Variants in KMT5B observed in about 807,000 individuals in gnomAD.
The protein encoded by KMT5B is histone-lysine N-methyltransferase KMT5B.
KMT5B carries 10 observed loss-of-function variants against 83.2 expected under a neutral mutation model. The observed-to-expected ratio is 0.12, with a 90% CI of 0.07 to 0.20. KMT5B has a LOEUF of 0.20. Ranked by LOEUF, KMT5B falls within the 10% of genes least tolerant of loss-of-function variation. The probability of loss-of-function intolerance (pLI) is 1.00; values close to 1 mark genes in which losing one functional copy is unlikely to be tolerated. For missense variants in KMT5B, 753 were observed against 1,067.2 expected (o/e 0.71, Z 4.10); for synonymous variants, 349 against 388.8 (o/e 0.90, Z 1.20).
chr11:68,185,034 T>G (rs994260088), intron 3 of KMT5B, among the ~76,000 whole-genome samples: 1 of 152,106 alleles, frequency 6.6e-6, no homozygotes, highest in Non-Finnish European at 1.5e-5. Context: ...ATCCCAAAGA[T>G]TAAACATGAT....
chr11:68,184,430 C>T (rs959097172), intron 3 of KMT5B, among the ~76,000 whole-genome samples: 1 of 152,008 alleles, frequency 6.6e-6, no homozygotes, highest in African/African-American at 2.4e-5. Flanking sequence ...ACCTGAATTA[C>T]TTCTTTTGGA....
intron 4 of KMT5B, among the ~76,000 whole-genome samples, chr11:68,176,096 G>T (rs1428333337): frequency 6.6e-6 from 1 of 152,004 alleles, no homozygotes; most frequent in Non-Finnish European, 1.5e-5. Flanking sequence ...TGTATTTTTA[G>T]TAGAGACCAT....
intron 10 of KMT5B, chr11:68,164,571 G>A (rs1855143435): frequency 2.2e-6 from 1 of 463,922 alleles, no homozygotes; most frequent in South Asian, 1.5e-5. Context: ...TGGTCTCAGA[G>A]ACAACTAAAG....
intron 1 of KMT5B, among the ~76,000 whole-genome samples, chr11:68,202,002 T>A (rs990620103): frequency 1.3e-5 from 2 of 151,752 alleles, no homozygotes; most frequent in Non-Finnish European, 2.9e-5. Flanking sequence ...GGTGGGAGGA[T>A]GGCTTGAGTC....
intron 2 of KMT5B, among the ~76,000 whole-genome samples, chr11:68,187,878 T>C (rs1397352993): frequency 6.6e-6 from 1 of 152,186 alleles, no homozygotes; most frequent in African/African-American, 2.4e-5. Flanking sequence ...CCATTTCTCA[T>C]TGCTGGCTCT....
At chr11:68,187,972 A>G (rs774377895) in intron 2 of KMT5B, among the ~76,000 whole-genome samples, 1 of 150,172 alleles carries the variant, frequency 6.7e-6, no homozygotes, top group Non-Finnish European at 1.5e-5. Flanking sequence ...CTAGCCCTCT[A>G]TATTTATCTA....
Position 68,158,309 on chromosome 11 carries a change from T to A in KMT5B, c.2037A>T (p.Thr679=). ...TGTCTTTTGTTTTGAAGCTATCTGA[T>A]GTCACAACTGAACAACCGACGGGTG... is the stretch of plus-strand genomic sequence containing the variant. ...APSPVGCSVV[T]SDSFKTKDSF... The change falls in exon 11 of 11, where the codon ACA becomes ACT. Residue 679 remains threonine, a synonymous_variant. Coordinates refer to ENST00000304363, the MANE Select transcript of KMT5B (RefSeq NM_017635.5). 6.2e-7 allele frequency: 1 copy of A among 1,614,162 alleles called. No individual in the cohort carries two copies. Among genetic ancestry groups the A allele is most frequent in the Non-Finnish European group, 8.5e-7 (1 of 1,180,036 alleles).
intron 3 of KMT5B, 91 bp from the exon 4 acceptor site, chr11:68,180,291 T>C: frequency 6.7e-7 from 1 of 1,487,868 alleles, no homozygotes; most frequent in Non-Finnish European, 9.0e-7. Flanking sequence ...ATATTCGTTG[T>C]TGCAAAAATC....
chr11:68,201,341 A>G (rs1001235584), intron 1 of KMT5B, among the ~76,000 whole-genome samples: 10 of 152,264 alleles, frequency 6.6e-5, no homozygotes, highest in African/African-American at 2.4e-4. Context: ...AACACATTTC[A>G]AAAGAAAGCA....
At chr11:68,167,645 A>G (rs1855438808) in intron 9 of KMT5B, among the ~76,000 whole-genome samples, 1 of 151,914 alleles carries the variant, frequency 6.6e-6, no homozygotes, top group Non-Finnish European at 1.5e-5. Flanking sequence ...TTTTGTAGAG[A>G]TGGGGTCTCA....
chr11:68,174,958 T>C, intron 5 of KMT5B, 60 bp downstream of exon 5: 2 of 1,464,934 alleles, frequency 1.4e-6, no homozygotes, highest in South Asian at 2.5e-5. Context: ...ATTTAGGGTT[T>C]TAATTTACTT....
intron 5 of KMT5B, 110 bp downstream of exon 5, chr11:68,174,908 T>C: frequency 9.6e-7 from 1 of 1,044,808 alleles, no homozygotes; most frequent in East Asian, 2.6e-5. Context: ...GACTGATTAG[T>C]TTTATGAAAA....
At chr11:68,192,568 T>C (rs537003611) in intron 1 of KMT5B, among the ~76,000 whole-genome samples, 11 of 152,312 alleles carry the variant, frequency 7.2e-5, no homozygotes, top group African/African-American at 2.6e-4. Context: ...ACTACATGTT[T>C]TGGTAATGCT....
chr11:68,158,526 G>C lies in KMT5B; in HGVS notation c.1820C>G (p.Thr607Arg). ...KGEAKCHKSD[T>R]GMSKKKSRQG... ...TCGTGACTTCTTTTTGGACATGCCT[G>C]TGTCACTCTTATGACACTTTGCCTC... is the stretch of plus-strand genomic sequence containing the variant. Residue 607 changes from threonine to arginine, a missense_variant, in exon 11 of 11, where the codon ACA becomes AGA. Around this residue, in one of 9 missense-constraint regions of KMT5B, gnomAD observed 397 missense variants for 395.9 expected, o/e 1.00. Transcript: ENST00000304363. 1 of 1,614,180 alleles carries C rather than the reference G, an allele frequency of 6.2e-7. No individual in the cohort carries two copies.
At chr11:68,160,168 A>G (rs546423302) in intron 10 of KMT5B, among the ~76,000 whole-genome samples, 3 of 152,248 alleles carry the variant, frequency 2.0e-5, no homozygotes, top group Non-Finnish European at 4.4e-5. Context: ...AGGCTTGCCT[A>G]CAAGGTGGAT....
intron 9 of KMT5B, among the ~76,000 whole-genome samples, chr11:68,170,768 G>C (rs889402811): frequency 1.3e-5 from 2 of 152,024 alleles, no homozygotes; most frequent in Non-Finnish European, 2.9e-5. Flanking sequence ...TCTGTATTCT[G>C]GCCCACTCTT....
At chr11:68,169,820 G>A (rs1590950652) in intron 9 of KMT5B, among the ~76,000 whole-genome samples, 1 of 152,196 alleles carries the variant, frequency 6.6e-6, no homozygotes, top group Admixed American at 6.5e-5. Context: ...CTACTTTAAA[G>A]GGTATTCTCT....
Position 68,159,016 on chromosome 11 carries a change from G to T in KMT5B, c.1330C>A (p.Pro444Thr). 1 of 1,612,726 alleles carries T rather than the reference G, an allele frequency of 6.2e-7. No homozygotes were observed. The highest frequency in any genetic ancestry group is 8.5e-7 in the Non-Finnish European group (1 of 1,179,700). The change falls in exon 11 of 11, where the codon CCT becomes ACT. Residue 444 changes from proline (P) to threonine (T), a missense_variant. Transcript: ENST00000304363. ...NSRVPKKLKK[P>T]AKPLLSKIKL... Reference sequence around the variant, plus strand: ...ATCTTTGAAAGTAAAGGCTTTGCAGGCTTCTTCAGTTTCTTTGGTACCCTG... The same window carrying T: ...ATCTTTGAAAGTAAAGGCTTTGCAGTCTTCTTCAGTTTCTTTGGTACCCTG...
intron 1 of KMT5B, among the ~76,000 whole-genome samples, chr11:68,192,946 C>T (rs1225795786): frequency 6.6e-6 from 1 of 152,114 alleles, no homozygotes; most frequent in Non-Finnish European, 1.5e-5. Flanking sequence ...ATTTGGGAAC[C>T]GATTGATCTG....
Sources: gnomAD v4.1 joint callset for allele counts (sites outside exome capture counted in the v4.1 genomes callset) on GRCh38, gnomAD v4.1.1 for gene constraint, gnomAD v4.1.1 regional missense constraint, MANE v1.5 for transcripts, NCBI Gene and HGNC (gene_info 2026-07-23, HGNC 2026-07-21) for gene names.